Variants in ZNF516 observed in about 807,000 individuals in gnomAD.
The protein encoded by ZNF516 is zinc finger protein 516.
In ZNF516, 19 loss-of-function variants were observed where a neutral mutation model predicts 79.7. That is an observed-to-expected ratio of 0.24 (90% CI 0.17 to 0.35). The LOEUF (loss-of-function observed/expected upper bound fraction) is 0.35, where lower values mean the gene tolerates loss of function less well. Among genes scored for constraint, ZNF516 ranks in the 10% least tolerant of loss-of-function variants. The probability of loss-of-function intolerance (pLI) is 1.00; values close to 1 mark genes in which losing one functional copy is unlikely to be tolerated. For missense variants in ZNF516, 1,678 were observed against 1,679.5 expected, an observed-to-expected ratio of 1.00 and a Z score of 0.02; for synonymous variants, 877 against 739.5, an observed-to-expected ratio of 1.19 and a Z score of -3.02.
At chr18:76,488,009 C>A (rs1180333351) in intron 1 of ZNF516, 1 of 985,310 alleles carries the variant, frequency 1.0e-6, no homozygotes, top group East Asian at 1.1e-4. Flanking sequence ...AACAGTCGAA[C>A]AACCAAATAA....
chr18:76,443,240 A>G, intron 2 of ZNF516, 29 bp from the exon 3 acceptor site: 1 of 894,076 alleles, frequency 1.1e-6, no homozygotes, highest in Non-Finnish European at 1.6e-6. Context: ...ATCATCAGCA[A>G]AGCTCCTGGC....
chr18:76,491,701 C>A (rs553562751), intron 1 of ZNF516: 12 of 157,134 alleles, frequency 7.6e-5, no homozygotes, highest in East Asian at 6.1e-4. Flanking sequence ...TGAGTCCCCC[C>A]CCGACCCGCC....
At chr18:76,410,124 A>T (rs1392220849) in intron 3 of ZNF516, among the ~76,000 whole-genome samples, 1 of 152,174 alleles carries the variant, frequency 6.6e-6, no homozygotes, top group East Asian at 1.9e-4. Flanking sequence ...TTCCTTTATA[A>T]ATCACCCAGT....
intron 1 of ZNF516, chr18:76,492,927 C>T (rs1210106168): frequency 7.1e-6 from 7 of 985,454 alleles, no homozygotes; most frequent in Admixed American, 6.1e-5. Context: ...TGCGGATGCG[C>T]GGGGCTGGCC....
chr18:76,450,628 CAGTGTATTCTGGCATTCTG>C (rs370064154), intron 2 of ZNF516, among the ~76,000 whole-genome samples: 4 of 152,266 alleles, frequency 2.6e-5, no homozygotes, highest in East Asian at 3.9e-4. Context: ...AGCCAAAATT[CAGTGTATTCTGGCATTCTG>C]AGTGTATTCT....
At chr18:76,492,874 C>T (rs1373346589) in intron 1 of ZNF516, 1 of 985,618 alleles carries the variant, frequency 1.0e-6, no homozygotes, top group African/African-American at 1.7e-5. Flanking sequence ...CGAATAAAAG[C>T]GTGTCCACGT....
At chr18:76,371,777 G>C (rs560583813) in intron 4 of ZNF516, among the ~76,000 whole-genome samples, 5 of 152,310 alleles carry the variant, frequency 3.3e-5, no homozygotes, top group Admixed American at 6.5e-5. Flanking sequence ...GGACTGCAAG[G>C]ATGCATAAAT....
chr18:76,404,557 T>G (rs2075275810), intron 3 of ZNF516, among the ~76,000 whole-genome samples: 1 of 151,718 alleles, frequency 6.6e-6, no homozygotes, highest in African/African-American at 2.4e-5. Flanking sequence ...CGTGTGCATG[T>G]GTTTGTATGT....
chr18:76,369,351 G>A (rs536947566), intron 6 of ZNF516, among the ~76,000 whole-genome samples: 2 of 152,014 alleles, frequency 1.3e-5, no homozygotes, highest in African/African-American at 2.4e-5. Context: ...AATGGCAAGG[G>A]TTTTTGTCAA....
rs1386951490 is a variant in ZNF516 at position 76,358,626 on chromosome 18, C to G, written c.*3872G>C. On this transcript the variant is annotated 3_prime_UTR_variant, in exon 7 of 7. Transcript: ENST00000443185. ...AAAACGTTCTGAAATTAGAACTCAC[C>G]AAAGTTAAAAGCAGTAAAACAACAT... The G allele has an allele frequency of 1.3e-5, 2 of 152,180 alleles. No homozygotes were observed. The highest frequency in any genetic ancestry group is 2.9e-5 in the Non-Finnish European group (2 of 68,038). The allele number at this position is 152,180 out of a possible 1,614,324, so 9.4% of individuals were successfully genotyped here. A position where few individuals can be genotyped will look rare whatever the true frequency, so the allele number is the denominator to read the frequency against.
Position 76,371,548 on chromosome 18 carries a change from G to C in ZNF516, c.3283C>G (p.Pro1095Ala). ...CACTCGATGCAGACGAACTCTCCTG[G>C]CCGGGCCTGCGTCCGGAGTGTCCCT... ...HRGTLRTQARPGEFVCIECGK... is the reference protein window; with the variant it reads ...HRGTLRTQARAGEFVCIECGK... The change falls in exon 5 of 7, where the codon CCA (proline) becomes GCA (alanine). Residue 1095 changes from proline to alanine, a missense_variant. Transcript: ENST00000443185. The C allele has an allele frequency of 1.2e-6, 2 of 1,610,582 alleles. No homozygotes were observed. Among genetic ancestry groups the C allele is most frequent in the South Asian group, 2.2e-5 (2 of 90,992 alleles).
intron 6 of ZNF516, 106 bp from the exon 7 acceptor site, chr18:76,362,663 A>T: frequency 8.5e-7 from 1 of 1,172,422 alleles, no homozygotes; most frequent in Non-Finnish European, 1.2e-6. Flanking sequence ...GAACACAAAC[A>T]ATGACCTTCA....
chr18:76,416,632 C>A lies in ZNF516; in HGVS notation c.1810+24613G>T, dbSNP rs535945391. Reference sequence around the variant, plus strand: ...CTAGTTTAGAATTCATCAGAAACATCTCTGAATAGTCAATGTGAGGACCAT... The same window carrying A: ...CTAGTTTAGAATTCATCAGAAACATATCTGAATAGTCAATGTGAGGACCAT... On this transcript the variant is annotated intron_variant, in intron 3 of 6. Transcript: ENST00000443185. 1.2e-4 allele frequency among the ~76,000 whole-genome samples: 18 copies of A among 152,306 alleles called. No individual in the cohort carries two copies. The East Asian group carries it at 3.5e-3, about 29-fold the overall frequency.
chr18:76,467,011 C>A lies in ZNF516; in HGVS notation c.-271-3870G>T, dbSNP rs1336697921. 6.6e-6 allele frequency among the ~76,000 whole-genome samples: 1 copy of A among 152,156 alleles called. No homozygotes were observed. The highest frequency in any genetic ancestry group is 1.5e-5 in the Non-Finnish European group (1 of 68,018). ...CAAAGGGCCCTGGGAGGCAGGGGGG[C>A]CCCAGAGAGGCAAAACCCAGGAGAC... is the stretch of plus-strand genomic sequence containing the variant. On this transcript the variant is annotated intron_variant, in intron 1 of 6. Transcript: ENST00000443185. The surrounding 1 kb of genome is among the most constrained non-coding windows in gnomAD (Gnocchi z 4.2).
chr18:76,450,445 G>A (rs752179197), intron 2 of ZNF516, among the ~76,000 whole-genome samples: 23 of 143,912 alleles, frequency 1.6e-4, no homozygotes, highest in Non-Finnish European at 3.3e-4. Flanking sequence ...TCCAAAGAAA[G>A]TCAAAGAAAA....
chr18:76,491,155 T>C lies in ZNF516; in HGVS notation c.-272+3989A>G, dbSNP rs1221733386. ...AGTGAAGTTTAAAATAGAAACCAATTACCTGGGCTCCGCCGCGCCTCGGCC... is the reference window on the plus strand; with the variant it reads ...AGTGAAGTTTAAAATAGAAACCAATCACCTGGGCTCCGCCGCGCCTCGGCC... On this transcript the variant is annotated intron_variant, in intron 1 of 6. Coordinates refer to ENST00000443185, the MANE Select transcript of ZNF516 (RefSeq NM_014643.4). 3.3e-6 allele frequency: 3 copies of C among 914,686 alleles called. No individual in the cohort carries two copies. The African/African-American group carries it at 5.4e-5, about 16-fold the overall frequency. 56.7% of individuals were successfully genotyped at this position (914,686 alleles called of 1,614,324 possible).
chr18:76,482,556 C>A (rs1217685749), intron 1 of ZNF516, among the ~76,000 whole-genome samples: 1 of 152,186 alleles, frequency 6.6e-6, no homozygotes, highest in Admixed American at 6.5e-5. Context: ...CCATTCCAAG[C>A]GCACTTAAGG....
chr18:76,459,186 G>A lies in ZNF516; in HGVS notation c.-158+3842C>T, dbSNP rs1912940864. On this transcript the variant is annotated intron_variant, in intron 2 of 6. Transcript: ENST00000443185. The surrounding 1 kb of genome is among the most constrained non-coding windows in gnomAD (Gnocchi z 5.0). Reference sequence around the variant, plus strand: ...ACGCTGCAGCAGTAACGGGGCGCCGGGCCCACCTGCTGCCCCTCTCCTGTG... The same window carrying A: ...ACGCTGCAGCAGTAACGGGGCGCCGAGCCCACCTGCTGCCCCTCTCCTGTG... Among the ~76,000 whole-genome samples the A allele has an allele frequency of 6.6e-6, 1 of 152,186 alleles. No homozygotes were observed. Among genetic ancestry groups the A allele is most frequent in the South Asian group, 2.1e-4 (1 of 4,832 alleles).
intron 3 of ZNF516, among the ~76,000 whole-genome samples, chr18:76,430,283 G>A (rs1251656136): frequency 6.6e-6 from 1 of 152,098 alleles, no homozygotes; most frequent in East Asian, 1.9e-4. Context: ...CTCCTATCAT[G>A]TCCTAGTCTA....
Sources: allele counts gnomAD v4.1 joint callset (sites outside exome capture counted in the v4.1 genomes callset), GRCh38; gene constraint gnomAD v4.1.1; non-coding constraint Gnocchi (gnomAD v3.1); transcripts MANE v1.5; gene names NCBI Gene and HGNC (gene_info 2026-07-23, HGNC 2026-07-21).